Variants in ATP8A2 observed in about 807,000 individuals in gnomAD.
ATP8A2 encodes ATPase phospholipid transporting 8A2.
ATP8A2 carries 100 observed loss-of-function variants against 165.6 expected under a neutral mutation model. That is an observed-to-expected ratio of 0.60 (90% CI 0.51 to 0.71). The LOEUF is 0.71. Ranked by LOEUF, ATP8A2 falls within the 30% of genes least tolerant of loss-of-function variation. The pLI is 0.00. For missense variants in ATP8A2, 1,227 were observed against 1,479.5 expected, an observed-to-expected ratio of 0.83 and a Z score of 2.80; for synonymous variants, 543 against 548.8, an observed-to-expected ratio of 0.99 and a Z score of 0.15.
intron 25 of ATP8A2, among the ~76,000 whole-genome samples, chr13:25,731,746 G>T (rs976404608): frequency 1.3e-5 from 2 of 152,186 alleles, no homozygotes; most frequent in Non-Finnish European, 2.9e-5. Flanking sequence ...ACTAACACTC[G>T]CAGAAATGAA....
In ATP8A2 at chr13:25,698,545, T is replaced by A. The variant is rs541827609; in HGVS notation, c.2212-628T>A. Among the ~76,000 whole-genome samples, 9 of 152,222 alleles carry A rather than the reference T, an allele frequency of 5.9e-5. No homozygotes were observed. The South Asian group carries it at 1.9e-3, about 32-fold the overall frequency. ...CACCGTGCCCAGCCCACTTTTTTTT[T>A]AAATCTAAAAAATGTTATTGTGCTT... On this transcript the variant is annotated intron_variant, in intron 24 of 36. Transcript: ENST00000381655.
intron 1 of ATP8A2, among the ~76,000 whole-genome samples, chr13:25,389,839 G>A (rs552584784): frequency 1.8e-4 from 27 of 152,266 alleles, no homozygotes; most frequent in Admixed American, 2.6e-4. Context: ...AAAAGTAAGC[G>A]ATGTCCAAGG....
chr13:25,630,858 G>A (rs534789356), intron 24 of ATP8A2, among the ~76,000 whole-genome samples: 59 of 152,062 alleles, frequency 3.9e-4, no homozygotes, highest in African/African-American at 1.2e-3. Context: ...CTTAGGGTCC[G>A]CTTTCTCATC....
At chr13:25,705,636 A>C (rs1177137366) in intron 25 of ATP8A2, among the ~76,000 whole-genome samples, 1 of 152,216 alleles carries the variant, frequency 6.6e-6, no homozygotes, top group African/African-American at 2.4e-5. Context: ...GTTTAAAAAG[A>C]CTTCTTGGGT....
At chr13:25,685,319 T>G (rs2042578127) in intron 24 of ATP8A2, among the ~76,000 whole-genome samples, 1 of 152,206 alleles carries the variant, frequency 6.6e-6, no homozygotes, top group South Asian at 2.1e-4. Context: ...CATCTTTACC[T>G]TTTTTATGTC....
intron 25 of ATP8A2, among the ~76,000 whole-genome samples, chr13:25,738,496 A>G (rs2043835468): frequency 6.6e-6 from 1 of 152,222 alleles, no homozygotes; most frequent in Non-Finnish European, 1.5e-5. Context: ...TGATAAAAAT[A>G]TGCTGTGATT....
intron 24 of ATP8A2, among the ~76,000 whole-genome samples, chr13:25,604,781 A>G (rs2040474296): frequency 6.6e-6 from 1 of 152,206 alleles, no homozygotes; most frequent in South Asian, 2.1e-4. Context: ...TAGCTACATA[A>G]CAAATCATTC....
At chr13:25,911,092 C>T (rs569081713) in intron 33 of ATP8A2, among the ~76,000 whole-genome samples, 1 of 151,710 alleles carries the variant, frequency 6.6e-6, no homozygotes, top group South Asian at 2.1e-4. Flanking sequence ...TCCAAACAGC[C>T]CTGACACAAT....
At chr13:25,773,473 G>A (rs546741440) in intron 26 of ATP8A2, among the ~76,000 whole-genome samples, 6 of 152,224 alleles carry the variant, frequency 3.9e-5, no homozygotes, top group African/African-American at 7.2e-5. Flanking sequence ...GAGGAGATAC[G>A]ATCTGAGTGG....
chr13:25,970,230 A>G (rs191609095), intron 35 of ATP8A2, among the ~76,000 whole-genome samples: 88 of 152,300 alleles, frequency 5.8e-4, no homozygotes, highest in Non-Finnish European at 9.6e-4. Context: ...TCAGAGCAAA[A>G]CTCTCAAACT....
chr13:25,631,257 C>T (rs1430198639), intron 24 of ATP8A2, among the ~76,000 whole-genome samples: 2 of 152,134 alleles, frequency 1.3e-5, no homozygotes, highest in Non-Finnish European at 2.9e-5. Context: ...CTGTTCAGCA[C>T]CTCCGCTCAC....
intron 35 of ATP8A2, among the ~76,000 whole-genome samples, chr13:25,979,744 G>A (rs1593663914): frequency 6.6e-6 from 1 of 152,206 alleles, no homozygotes; most frequent in African/African-American, 2.4e-5. Flanking sequence ...GAGCTCGCCT[G>A]GTAGTGGGAG....
chr13:25,904,624 G>A (rs1953874261), intron 33 of ATP8A2, among the ~76,000 whole-genome samples: 1 of 152,168 alleles, frequency 6.6e-6, no homozygotes, highest in African/African-American at 2.4e-5. Flanking sequence ...TCTCTGATGG[G>A]TGAGTTGCTC....
Position 25,372,321 on chromosome 13 carries a change from G to C in ATP8A2, c.76+33G>C. ...GGGAGGGGCGCGGCGAGGGAGGGTG[G>C]GCCCGGGGCGGGGGCGGCGCGGGGC... On this transcript the variant is annotated intron_variant, in intron 1 of 36. Transcript: ENST00000381655. This position sits in a 1 kb window ranked among gnomAD's most constrained non-coding sequence, Gnocchi z 4.8. The C allele has an allele frequency of 1.4e-6, 2 of 1,412,560 alleles. No homozygotes were observed. The highest frequency in any genetic ancestry group is 1.9e-6 in the Non-Finnish European group (2 of 1,066,402). 87.5% of individuals were successfully genotyped at this position (1,412,560 alleles called of 1,614,324 possible).
At chr13:26,001,202 A>G (rs992536354) in intron 35 of ATP8A2, among the ~76,000 whole-genome samples, 1 of 152,200 alleles carries the variant, frequency 6.6e-6, no homozygotes, top group African/African-American at 2.4e-5. Flanking sequence ...TGAAGTATGT[A>G]TCCATCTGTA....
intron 2 of ATP8A2, among the ~76,000 whole-genome samples, chr13:25,491,713 A>G (rs142174067): frequency 2.8e-4 from 42 of 152,318 alleles, no homozygotes; most frequent in African/African-American, 9.6e-4. Flanking sequence ...GTAAGCTCAC[A>G]TTTTAGTTTG....
intron 24 of ATP8A2, among the ~76,000 whole-genome samples, chr13:25,682,306 T>C (rs553497204): frequency 6.6e-6 from 1 of 152,138 alleles, no homozygotes; most frequent in South Asian, 2.1e-4. Context: ...TGCAAACACC[T>C]TATAGTTTTG....
intron 33 of ATP8A2, among the ~76,000 whole-genome samples, chr13:25,866,956 C>T (rs1002274440): frequency 1.6e-4 from 25 of 152,136 alleles, no homozygotes; most frequent in African/African-American, 3.4e-4. Context: ...AATTACACCA[C>T]GAGACATGAA....
At chr13:25,825,280 C>T (rs1253802873) in intron 27 of ATP8A2, among the ~76,000 whole-genome samples, 1 of 150,564 alleles carries the variant, frequency 6.6e-6, no homozygotes, top group African/African-American at 2.4e-5. Flanking sequence ...GCCTTAGCCT[C>T]CCGAGTAGCT....
Sources: gnomAD v4.1 joint callset for allele counts (sites outside exome capture counted in the v4.1 genomes callset) on GRCh38, gnomAD v4.1.1 for gene constraint, Gnocchi (gnomAD v3.1) non-coding constraint, MANE v1.5 for transcripts, NCBI Gene and HGNC (gene_info 2026-07-23, HGNC 2026-07-21) for gene names.